GLIS3: variants seen among roughly 807,000 people sequenced by gnomAD.
GLIS3 encodes zinc finger protein GLIS3.
GLIS3 carries 53 observed loss-of-function variants against 78.6 expected under a neutral mutation model. That is an observed-to-expected ratio of 0.67 (90% CI 0.54 to 0.85). The LOEUF is 0.85. GLIS3 is among the 40% of genes least tolerant of loss of function. GLIS3 has a pLI of 0.00. For missense variants in GLIS3, 1,703 were observed against 1,231.1 expected, an observed-to-expected ratio of 1.38 and a Z score of -5.74; for synonymous variants, 684 against 509.9, an observed-to-expected ratio of 1.34 and a Z score of -4.60.
chr9:3,978,382 T>C (rs1012097397), intron 4 of GLIS3, among the ~76,000 whole-genome samples: 15 of 152,114 alleles, frequency 9.9e-5, no homozygotes, highest in African/African-American at 3.6e-4. Context: ...TTGATGGGAA[T>C]ATGTGTGTAC....
chr9:4,385,923 C>T, the GLIS3 span, among the ~76,000 whole-genome samples: 1 of 152,136 alleles, frequency 6.6e-6, no homozygotes, highest in African/African-American at 2.4e-5. Flanking sequence ...TACCACTTAC[C>T]ATCTGTACCA....
At chr9:4,408,429 T>TTAAA in the GLIS3 span, among the ~76,000 whole-genome samples, 1 of 134,210 alleles carries the variant, frequency 7.5e-6, no homozygotes, top group Non-Finnish European at 1.6e-5. Context: ...TAATGGATAT[T>TTAAA]AAAAAAAAAA....
intron 4 of GLIS3, among the ~76,000 whole-genome samples, chr9:4,100,152 T>C (rs1830257092): frequency 6.6e-6 from 1 of 152,186 alleles, no homozygotes; most frequent in Admixed American, 6.5e-5. Context: ...TATATATCGG[T>C]AAAAGAGTTC....
At chr9:4,020,762 G>C (rs897409846) in intron 4 of GLIS3, among the ~76,000 whole-genome samples, 2 of 152,108 alleles carry the variant, frequency 1.3e-5, no homozygotes, top group African/African-American at 4.8e-5. Context: ...AATTAGTGTC[G>C]AGCTGCAAGA....
chr9:3,992,158 T>C (rs988140959), intron 4 of GLIS3, among the ~76,000 whole-genome samples: 3 of 152,216 alleles, frequency 2.0e-5, no homozygotes, highest in African/African-American at 7.2e-5. Context: ...CAAATGATGT[T>C]AGAATGTAAC....
chr9:4,130,039 C>T (rs1832858978), intron 2 of GLIS3, among the ~76,000 whole-genome samples: 1 of 152,108 alleles, frequency 6.6e-6, no homozygotes, highest in Non-Finnish European at 1.5e-5. Context: ...GCATTGTGCC[C>T]CTGCTCTCGG....
the GLIS3 span, among the ~76,000 whole-genome samples, chr9:4,430,588 T>C: frequency 3.5e-4 from 54 of 152,294 alleles, no homozygotes; most frequent in African/African-American, 1.2e-3. Flanking sequence ...ATAACTGGCT[T>C]TATGGTTTCA....
intron 4 of GLIS3, among the ~76,000 whole-genome samples, chr9:4,048,945 C>T (rs1207266523): frequency 6.6e-6 from 1 of 152,196 alleles, no homozygotes; most frequent in East Asian, 1.9e-4. Context: ...TAGTCACCAA[C>T]ACGTGGCAGG....
Position 4,257,437 on chromosome 9 carries a change from T to G in GLIS3, c.388+28601A>C, listed in dbSNP as rs182374604. Among the ~76,000 whole-genome samples, 17 of 152,308 alleles carry G rather than the reference T, an allele frequency of 1.1e-4. No homozygotes were observed. In the East Asian group the frequency reaches 3.3e-3, roughly 29 times the overall value. ...AGGACTAAAGTTAATAATATTGTAT[T>G]GCATATTGGTAATTTGGCAAGGGAA... On this transcript the variant is annotated intron_variant, in intron 2 of 10. Transcript: ENST00000381971.
At chr9:4,173,765 T>C (rs548130533) in intron 2 of GLIS3, among the ~76,000 whole-genome samples, 1 of 152,202 alleles carries the variant, frequency 6.6e-6, no homozygotes, top group Non-Finnish European at 1.5e-5. Flanking sequence ...CCCAGTAAGA[T>C]TTTTCTGAAG....
At chr9:3,878,438 TA>T (rs1821475899) in intron 8 of GLIS3, among the ~76,000 whole-genome samples, 1 of 152,152 alleles carries the variant, frequency 6.6e-6, no homozygotes, top group African/African-American at 2.4e-5. Context: ...AAGAAAGTCA[TA>T]AACAGTAAAA....
chr9:4,152,847 T>A (rs774764510), intron 2 of GLIS3, among the ~76,000 whole-genome samples: 7 of 152,234 alleles, frequency 4.6e-5, no homozygotes, highest in Non-Finnish European at 1.0e-4. Flanking sequence ...AAACTACCTG[T>A]TTCTGAAGAC....
chr9:4,392,569 C>G, the GLIS3 span, among the ~76,000 whole-genome samples: 1 of 152,144 alleles, frequency 6.6e-6, no homozygotes, highest in Non-Finnish European at 1.5e-5. Flanking sequence ...ACCTTAGATT[C>G]TAACAGGTGA....
At chr9:4,208,896 T>C (rs1820118626) in intron 2 of GLIS3, among the ~76,000 whole-genome samples, 1 of 152,134 alleles carries the variant, frequency 6.6e-6, no homozygotes, top group African/African-American at 2.4e-5. Flanking sequence ...TTCATGATAT[T>C]CCTTTCCATA....
chr9:4,029,311 A>AT (rs1823613722), intron 4 of GLIS3, among the ~76,000 whole-genome samples: 2 of 151,866 alleles, frequency 1.3e-5, no homozygotes, highest in African/African-American at 2.4e-5. Context: ...GCTCCCCATC[A>AT]TTTTTAAAAA....
At chr9:3,916,326 C>T (rs1475406658) in intron 6 of GLIS3, among the ~76,000 whole-genome samples, 3 of 152,216 alleles carry the variant, frequency 2.0e-5, no homozygotes, top group Non-Finnish European at 4.4e-5. Flanking sequence ...TCTTCTACCT[C>T]CCCACTGGGG....
At chr9:4,097,627 T>C (rs1830060575) in intron 4 of GLIS3, among the ~76,000 whole-genome samples, 2 of 152,168 alleles carry the variant, frequency 1.3e-5, no homozygotes, top group South Asian at 4.1e-4. Flanking sequence ...GACCAAAATA[T>C]TTTGCCAAGA....
At chr9:3,836,386 G>A (rs1818354157) in intron 9 of GLIS3, among the ~76,000 whole-genome samples, 1 of 152,212 alleles carries the variant, frequency 6.6e-6, no homozygotes, top group African/African-American at 2.4e-5. Flanking sequence ...GAAGTGTAGC[G>A]ATTTTGGCCC....
chr9:4,019,923 C>A (rs939869671), intron 4 of GLIS3, among the ~76,000 whole-genome samples: 6 of 150,810 alleles, frequency 4.0e-5, no homozygotes, highest in Non-Finnish European at 8.8e-5. Context: ...ATCTGGCTAA[C>A]ATATAAATTT....
Sources: allele counts gnomAD v4.1 joint callset (sites outside exome capture counted in the v4.1 genomes callset), GRCh38; gene constraint gnomAD v4.1.1; transcripts MANE v1.5; gene names NCBI Gene and HGNC (gene_info 2026-07-23, HGNC 2026-07-21).